Variants in NKAIN2 observed in about 807,000 individuals in gnomAD.
The protein encoded by NKAIN2 is sodium/potassium transporting ATPase interacting 2.
A neutral mutation model predicts 32.6 loss-of-function variants in NKAIN2; 14 were observed. That is an observed-to-expected ratio of 0.43 (90% CI 0.28 to 0.67). The LOEUF is 0.67. NKAIN2 is among the 30% of genes least tolerant of loss of function. The pLI, the probability that NKAIN2 is intolerant of heterozygous loss-of-function variation, is 0.17. For missense variants in NKAIN2, 198 were observed against 258.3 expected, an observed-to-expected ratio of 0.77 and a Z score of 1.60; for synonymous variants, 80 against 87.2, an observed-to-expected ratio of 0.92 and a Z score of 0.46.
chr6:123,988,317 C>T (rs989119460), intron 1 of NKAIN2, among the ~76,000 whole-genome samples: 2 of 151,936 alleles, frequency 1.3e-5, no homozygotes, highest in African/African-American at 2.4e-5. Context: ...AAGACATGAA[C>T]AAAAATAAGT....
chr6:123,890,248 T>G (rs572797289), intron 1 of NKAIN2, among the ~76,000 whole-genome samples: 28 of 152,136 alleles, frequency 1.8e-4, no homozygotes, highest in African/African-American at 5.8e-4. Context: ...CCCTGTCATC[T>G]TTGGAGTTTC....
intron 1 of NKAIN2, among the ~76,000 whole-genome samples, chr6:123,868,656 C>A (rs1279762172): frequency 1.3e-5 from 2 of 152,124 alleles, no homozygotes; most frequent in Non-Finnish European, 2.9e-5. Context: ...ATTTACAAAT[C>A]TCTGCCTTTA....
chr6:124,250,687 AAAGG>A (rs1293324187), intron 1 of NKAIN2, among the ~76,000 whole-genome samples: 1 of 152,090 alleles, frequency 6.6e-6, no homozygotes, highest in Admixed American at 6.6e-5. Context: ...AGGAAAATCT[AAAGG>A]AAGTGCTTCA....
At chr6:124,455,233 A>C (rs1226547376) in intron 3 of NKAIN2, among the ~76,000 whole-genome samples, 2 of 152,104 alleles carry the variant, frequency 1.3e-5, no homozygotes. Context: ...TATTGTCTAG[A>C]AATAGTCACT....
intron 1 of NKAIN2, among the ~76,000 whole-genome samples, chr6:124,051,569 C>A (rs1027325458): frequency 6.6e-6 from 1 of 151,942 alleles, no homozygotes; most frequent in Admixed American, 6.6e-5. Flanking sequence ...TGCTATCCCT[C>A]CCCGCTCCCC....
intron 1 of NKAIN2, among the ~76,000 whole-genome samples, chr6:124,166,593 A>G (rs1317689097): frequency 6.6e-6 from 1 of 151,562 alleles, no homozygotes; most frequent in East Asian, 1.9e-4. Flanking sequence ...GTCCTTGCCC[A>G]TGCCTATGTC....
At chr6:124,189,819 A>G (rs914573587) in intron 1 of NKAIN2, among the ~76,000 whole-genome samples, 2 of 152,244 alleles carry the variant, frequency 1.3e-5, no homozygotes, top group Non-Finnish European at 1.5e-5. Flanking sequence ...TGTTGCACAC[A>G]CGGAGGGAAG....
At chr6:124,056,238 GTT>G (rs575460242) in intron 1 of NKAIN2, among the ~76,000 whole-genome samples, 1 of 144,234 alleles carries the variant, frequency 6.9e-6, no homozygotes. Context: ...ATTGAGAGAG[GTT>G]TTTTTTTTTT....
intron 3 of NKAIN2, among the ~76,000 whole-genome samples, chr6:124,393,283 C>T (rs1342150177): frequency 2.0e-5 from 3 of 151,866 alleles, no homozygotes; most frequent in Non-Finnish European, 4.4e-5. Context: ...TACACAATGG[C>T]CCAATACGTA....
At chr6:123,961,842 G>A (rs750576719) in intron 1 of NKAIN2, among the ~76,000 whole-genome samples, 10 of 152,048 alleles carry the variant, frequency 6.6e-5, no homozygotes, top group Non-Finnish European at 1.2e-4. Flanking sequence ...TGAATATTAA[G>A]ACTATATAAT....
chr6:124,779,519 T>C (rs1407102024), intron 4 of NKAIN2, among the ~76,000 whole-genome samples: 1 of 152,026 alleles, frequency 6.6e-6, no homozygotes, highest in Non-Finnish European at 1.5e-5. Context: ...AACAGATGAG[T>C]AAGTAAATAA....
rs192733706 is a variant in NKAIN2, at chr6:124,752,636, A to G, written c.475-38703A>G. On this transcript the variant is annotated intron_variant, in intron 4 of 6. Transcript: ENST00000368417. ...AATTTCACAGGATGACAGTCCCACA[A>G]TTATCTGGTTATTATTTGTAACCAG... 4.6e-3 allele frequency among the ~76,000 whole-genome samples: 697 copies of G among 152,016 alleles called. 4 individuals carry two copies. Among genetic ancestry groups the G allele is most frequent in the African/African-American group, 0.016 (679 of 41,478 alleles).
At chr6:124,600,812 T>TTCTC (rs1423798247) in intron 3 of NKAIN2, among the ~76,000 whole-genome samples, 1 of 152,044 alleles carries the variant, frequency 6.6e-6, no homozygotes, top group African/African-American at 2.4e-5. Context: ...GTAAAAGGTA[T>TTCTC]TCTCTCAGTT....
chr6:123,982,132 T>A (rs1200595407), intron 1 of NKAIN2, among the ~76,000 whole-genome samples: 1 of 152,170 alleles, frequency 6.6e-6, no homozygotes, highest in Admixed American at 6.5e-5. Flanking sequence ...CTGATATTTG[T>A]AGAGTTGTTG....
rs559991175 is a variant in NKAIN2 at position 124,573,793 on chromosome 6, C to T, written c.274-84393C>T. 1.1e-3 allele frequency among the ~76,000 whole-genome samples: 170 copies of T among 152,232 alleles called. 1 individual carries two copies. Among genetic ancestry groups the T allele is most frequent in the Middle Eastern group, 6.8e-3 (2 of 294 alleles). ...TGATATATAGAAGATGTTGCACTTA[C>T]GTTAAAATCTCCTTTTAGGTAAAAT... On this transcript the variant is annotated intron_variant, in intron 3 of 6. Coordinates refer to ENST00000368417, the MANE Select transcript of NKAIN2 (RefSeq NM_001040214.3).
At chr6:124,598,324 C>A (rs1274225847) in intron 3 of NKAIN2, among the ~76,000 whole-genome samples, 1 of 151,990 alleles carries the variant, frequency 6.6e-6, no homozygotes, top group African/African-American at 2.4e-5. Flanking sequence ...TATCATGATC[C>A]ATAAAAGTGT....
chr6:124,220,222 C>G (rs531094549), intron 1 of NKAIN2, among the ~76,000 whole-genome samples: 1 of 151,268 alleles, frequency 6.6e-6, no homozygotes, highest in African/African-American at 2.5e-5. Flanking sequence ...TTCTCACTAT[C>G]TCTCCTTCTC....
At chr6:124,539,964 G>A (rs1006578741) in intron 3 of NKAIN2, among the ~76,000 whole-genome samples, 8 of 152,062 alleles carry the variant, frequency 5.3e-5, no homozygotes, top group Non-Finnish European at 7.4e-5. Context: ...CAGGCAATCT[G>A]CCCACCTCGG....
intron 3 of NKAIN2, among the ~76,000 whole-genome samples, chr6:124,501,290 T>G (rs902513428): frequency 1.1e-4 from 16 of 152,198 alleles, no homozygotes; most frequent in Non-Finnish European, 2.1e-4. Context: ...GACAGTTTTT[T>G]CATTCAATAA....
Sources: allele counts gnomAD v4.1 joint callset (sites outside exome capture counted in the v4.1 genomes callset), GRCh38; gene constraint gnomAD v4.1.1; transcripts MANE v1.5; gene names NCBI Gene and HGNC (gene_info 2026-07-23, HGNC 2026-07-21).